TENM2: variants seen among roughly 807,000 people sequenced by gnomAD.
TENM2 encodes teneurin-2.
A neutral mutation model predicts 245.2 loss-of-function variants in TENM2; 52 were observed. That is an observed-to-expected ratio of 0.21 (90% CI 0.17 to 0.27). The LOEUF (loss-of-function observed/expected upper bound fraction) is 0.27, where lower values mean the gene tolerates loss of function less well. Ranked by LOEUF, TENM2 falls within the 10% of genes least tolerant of loss-of-function variation. The pLI is 1.00. For synonymous variants in TENM2, 1,363 were observed against 1,438.9 expected (o/e 0.95, Z 1.19); for missense variants, 3,046 against 3,666.8 (o/e 0.83, Z 4.37).
chr5:167,898,065 A>G (rs1775371991), intron 3 of TENM2, among the ~76,000 whole-genome samples: 1 of 152,028 alleles, frequency 6.6e-6, no homozygotes, highest in South Asian at 2.1e-4. Context: ...GTCATTGAAG[A>G]GCCCTTTGCT....
At chr5:166,980,545 T>A in the TENM2 span, among the ~76,000 whole-genome samples, 7 of 152,216 alleles carry the variant, frequency 4.6e-5, no homozygotes, top group Non-Finnish European at 1.0e-4. Context: ...TTTGGAGGGT[T>A]CTTGATCATT....
chr5:167,425,198 G>T lies in TENM2; in HGVS notation c.502+49725G>T, dbSNP rs148345825. Among the ~76,000 whole-genome samples, 345 of 152,216 alleles carry T rather than the reference G, an allele frequency of 2.3e-3. 4 individuals carry two copies. The highest frequency in any genetic ancestry group is 7.9e-3 in the African/African-American group (330 of 41,530). On this transcript the variant is annotated intron_variant, in intron 2 of 28. Transcript: ENST00000518659. ...TAAATACCACTTAACTCCTCCCAAG[G>T]CAGATGAGGATAGTATAAAACTGCA...
intron 5 of TENM2, among the ~76,000 whole-genome samples, chr5:168,003,169 T>C (rs1328195321): frequency 3.3e-5 from 5 of 152,212 alleles, no homozygotes; most frequent in Non-Finnish European, 7.3e-5. Flanking sequence ...CCTTTTTGTT[T>C]CCTGGATATG....
At chr5:167,870,581 A>G (rs983231772) in intron 2 of TENM2, among the ~76,000 whole-genome samples, 1 of 139,536 alleles carries the variant, frequency 7.2e-6, no homozygotes, top group Non-Finnish European at 1.6e-5. Flanking sequence ...GTGTGTGTAT[A>G]TATATATGTA....
chr5:167,408,834 T>C (rs1762762615), intron 2 of TENM2, among the ~76,000 whole-genome samples: 1 of 150,312 alleles, frequency 6.7e-6, no homozygotes, highest in Non-Finnish European at 1.5e-5. Flanking sequence ...TGTATATATA[T>C]GTCTAATATA....
At chr5:168,044,763 T>C (rs886887231) in intron 5 of TENM2, among the ~76,000 whole-genome samples, 1 of 152,042 alleles carries the variant, frequency 6.6e-6, no homozygotes, top group African/African-American at 2.4e-5. Context: ...GCCCAAGCCA[T>C]AGAGCAAATC....
At chr5:167,129,937 C>A in the TENM2 span, among the ~76,000 whole-genome samples, 3 of 152,046 alleles carry the variant, frequency 2.0e-5, no homozygotes, top group Non-Finnish European at 4.4e-5. Context: ...AAAGGCAGTA[C>A]CAGGGCTGAG....
chr5:167,340,453 C>T (rs897705892), intron 1 of TENM2, among the ~76,000 whole-genome samples: 1 of 152,192 alleles, frequency 6.6e-6, no homozygotes, highest in African/African-American at 2.4e-5. Flanking sequence ...CTGGTAAGAT[C>T]TCTCTCCATG....
rs769578486 is a variant in TENM2 at position 168,162,766 on chromosome 5, G to A, written c.2569+9G>A. On this transcript the variant is annotated intron_variant, in intron 13 of 28. Coordinates refer to ENST00000518659, the Ensembl canonical transcript of TENM2. ...CAAGGATAATGAGGGAGGTGAGCAC[G>A]CGTCTTCTCATTCCCAGCCCCTAAG... is the stretch of plus-strand genomic sequence containing the variant. The A allele has an allele frequency of 3.2e-5, 51 of 1,613,246 alleles. No individual in the cohort carries two copies. The East Asian group carries it at 4.7e-4, about 15-fold the overall frequency.
At chr5:167,765,071 T>C (rs1762920015) in intron 2 of TENM2, among the ~76,000 whole-genome samples, 2 of 152,166 alleles carry the variant, frequency 1.3e-5, no homozygotes, top group Non-Finnish European at 2.9e-5. Flanking sequence ...CGAGAGGCCT[T>C]ATTGCATTTT....
intron 2 of TENM2, among the ~76,000 whole-genome samples, chr5:167,625,716 G>A (rs892570245): frequency 6.6e-6 from 1 of 152,166 alleles, no homozygotes; most frequent in Non-Finnish European, 1.5e-5. Flanking sequence ...AGAAATTTGG[G>A]AGTGCATTAA....
chr5:168,119,242 A>T (rs906477265), intron 10 of TENM2, among the ~76,000 whole-genome samples: 3 of 152,214 alleles, frequency 2.0e-5, no homozygotes, highest in Admixed American at 6.5e-5. Context: ...AGGGCCTTTC[A>T]CACACATGGG....
At chr5:167,637,915 CA>C (rs1779308445) in intron 2 of TENM2, among the ~76,000 whole-genome samples, 1 of 151,386 alleles carries the variant, frequency 6.6e-6, no homozygotes, top group African/African-American at 2.4e-5. Flanking sequence ...ACCACCATAG[CA>C]CATGTATACC....
chr5:167,260,574 T>A, the TENM2 span, among the ~76,000 whole-genome samples: 1 of 152,208 alleles, frequency 6.6e-6, no homozygotes, highest in Non-Finnish European at 1.5e-5. Context: ...TTAAATGTCT[T>A]CTAGCTTCAC....
the TENM2 span, among the ~76,000 whole-genome samples, chr5:167,244,607 G>C: frequency 6.6e-6 from 1 of 152,220 alleles, no homozygotes. Flanking sequence ...GGTGTTCTAG[G>C]GAGAGCTTCG....
the TENM2 span, among the ~76,000 whole-genome samples, chr5:166,982,445 C>T: frequency 6.6e-6 from 1 of 151,870 alleles, no homozygotes; most frequent in African/African-American, 2.4e-5. Context: ...TGTTTTCTTT[C>T]TGTGCAGATT....
At chr5:166,990,609 TG>T in the TENM2 span, among the ~76,000 whole-genome samples, 5,521 of 152,252 alleles carry the variant, frequency 0.036, 239 homozygotes, top group Admixed American at 0.13. Context: ...AATTCGGAGA[TG>T]GTTTTTTACC....
chr5:167,458,494 C>CAAAAAAA (rs70976430), intron 2 of TENM2, among the ~76,000 whole-genome samples: 429 of 81,984 alleles, frequency 5.2e-3, no homozygotes, highest in African/African-American at 0.01. Context: ...CTCAAAAAAA[C>CAAAAAAA]AAAAAAAAAA....
chr5:168,232,697 A>C (rs951125796), intron 25 of TENM2, among the ~76,000 whole-genome samples: 1 of 152,178 alleles, frequency 6.6e-6, no homozygotes, highest in Non-Finnish European at 1.5e-5. Context: ...AGCCATCACA[A>C]TAGAACAGTG....
Sources: gnomAD v4.1 joint callset for allele counts (sites outside exome capture counted in the v4.1 genomes callset) on GRCh38, gnomAD v4.1.1 for gene constraint, MANE v1.5 for transcripts, NCBI Gene and HGNC (gene_info 2026-07-23, HGNC 2026-07-21) for gene names.